RASD2: variants seen among roughly 807,000 people sequenced by gnomAD.
RASD2 encodes GTP-binding protein Rhes.
In RASD2, 7 loss-of-function variants were observed where a neutral mutation model predicts 15.8. That is an observed-to-expected ratio of 0.44 (90% CI 0.25 to 0.83). RASD2 has a LOEUF of 0.83. Ranked by LOEUF, RASD2 falls within the 40% of genes least tolerant of loss-of-function variation. The pLI is 0.20. For missense variants in RASD2, 274 were observed against 382.8 expected (o/e 0.72, Z 2.37); for synonymous variants, 155 against 153.6 (o/e 1.01, Z -0.07).
rs935899886 is a variant in RASD2 at position 35,541,230 on chromosome 22, C to G, written c.-280C>G. The G allele has an allele frequency of 6.6e-6, 1 of 151,782 alleles. No individual in the cohort carries two copies. Among genetic ancestry groups the G allele is most frequent in the Non-Finnish European group, 1.5e-5 (1 of 67,868 alleles). The allele number at this position is 151,782 out of a possible 1,614,324, so 9.4% of individuals were successfully genotyped here. ...CCCCCGGCTCGGGGCAGGGCAGGGC[C>G]GGCGGCGGCGAGCCGGAGCCCGCCC... On this transcript the variant is annotated 5_prime_UTR_variant, in exon 1 of 3. Coordinates refer to ENST00000216127, the MANE Select transcript of RASD2 (RefSeq NM_014310.4).
At chr22:35,545,288 T>C (rs1184941259) in intron 1 of RASD2, among the ~76,000 whole-genome samples, 1 of 152,166 alleles carries the variant, frequency 6.6e-6, no homozygotes, top group Admixed American at 6.5e-5. Flanking sequence ...AGCTTCATGA[T>C]AGCCAGGAAG....
upstream of RASD2, among the ~76,000 whole-genome samples, chr22:35,540,438 G>C (rs953505489): frequency 1.1e-4 from 17 of 148,886 alleles, no homozygotes; most frequent in African/African-American, 4.1e-4. Flanking sequence ...CATTGGCCGG[G>C]CGCCGGGGCG....
the RASD2 span, among the ~76,000 whole-genome samples, chr22:35,532,845 A>G: frequency 6.6e-6 from 1 of 152,124 alleles, no homozygotes; most frequent in Non-Finnish European, 1.5e-5. Context: ...CCCTCCAGTT[A>G]AAGGGACCCA....
chr22:35,540,357 G>T (rs1934310004), upstream of RASD2, among the ~76,000 whole-genome samples: 1 of 150,254 alleles, frequency 6.7e-6, no homozygotes, highest in Non-Finnish European at 1.5e-5. Flanking sequence ...CCGGACACGC[G>T]GAACCGCAGA....
At chr22:35,536,304 T>C (rs1180126483), upstream of RASD2, among the ~76,000 whole-genome samples, 1 of 151,442 alleles carries the variant, frequency 6.6e-6, no homozygotes, top group African/African-American at 2.4e-5. Flanking sequence ...TGTGTTGAAC[T>C]TGGTCAAGCC....
In RASD2 at chr22:35,546,790, C is replaced by T; in HGVS notation, c.-9-11C>T. The T allele has an allele frequency of 6.2e-7, 1 of 1,610,174 alleles. No individual in the cohort carries two copies. The highest frequency in any genetic ancestry group is 8.5e-7 in the Non-Finnish European group (1 of 1,177,814). ...GGGGCCCTGATGCCTGCTTCTCTCG[C>T]TTTGTTGCAGCCCCGAGCCATGATG... On this transcript the variant is annotated splice_polypyrimidine_tract_variant and intron_variant, in intron 1 of 2. Transcript: ENST00000216127.
intron 1 of RASD2, among the ~76,000 whole-genome samples, chr22:35,546,203 C>T (rs558182346): frequency 2.5e-4 from 38 of 152,224 alleles, no homozygotes; most frequent in African/African-American, 8.9e-4. Context: ...CAGGAGCAAC[C>T]CCAGGCATTG....
rs1029545390 is a variant in RASD2, at chr22:35,553,417, A to C, written c.*1385A>C. On this transcript the variant is annotated 3_prime_UTR_variant, in exon 3 of 3. Transcript: ENST00000216127. ...AAGGCCCTTGTCATCAGCTCTTAAC[A>C]AGTATATTTTGTATTTTAATCTCTC... 2 of 152,420 alleles carry C rather than the reference A, an allele frequency of 1.3e-5. No homozygotes were observed. The highest frequency in any genetic ancestry group is 4.8e-5 in the African/African-American group (2 of 41,346). The allele number at this position is 152,420 out of a possible 1,614,324, so 9.4% of individuals were successfully genotyped here. A position where few individuals can be genotyped will look rare whatever the true frequency, so the allele number is the denominator to read the frequency against.
chr22:35,541,952 G>A (rs570809393), intron 1 of RASD2, among the ~76,000 whole-genome samples: 48 of 152,188 alleles, frequency 3.2e-4, no homozygotes, highest in Non-Finnish European at 6.0e-4. Flanking sequence ...AAGCTCCTTC[G>A]TTATCCAGAG....
At chr22:35,545,545 C>G (rs1934477545) in intron 1 of RASD2, among the ~76,000 whole-genome samples, 2 of 152,170 alleles carry the variant, frequency 1.3e-5, no homozygotes, top group African/African-American at 4.8e-5. Flanking sequence ...CCTGTGGCAG[C>G]CTGTGGAAGA....
chr22:35,545,420 T>G (rs1934473211), intron 1 of RASD2, among the ~76,000 whole-genome samples: 1 of 152,140 alleles, frequency 6.6e-6, no homozygotes, highest in Non-Finnish European at 1.5e-5. Context: ...TTAAAAACAG[T>G]GCCTTTTCCT....
At chr22:35,535,036 C>T in the RASD2 span, among the ~76,000 whole-genome samples, 5 of 152,170 alleles carry the variant, frequency 3.3e-5, no homozygotes, top group South Asian at 2.1e-4. Context: ...CTCAAGAGGG[C>T]GAGGACCCCA....
intron 2 of RASD2, among the ~76,000 whole-genome samples, chr22:35,549,538 A>G (rs1250903246): frequency 1.3e-5 from 2 of 152,132 alleles, no homozygotes; most frequent in Non-Finnish European, 2.9e-5. Context: ...GATTAGCCTA[A>G]CGGGATGGGG....
intron 2 of RASD2, among the ~76,000 whole-genome samples, chr22:35,547,967 A>G (rs5995117): frequency 0.35 from 52,994 of 152,150 alleles, 9,911 homozygotes; most frequent in Non-Finnish European, 0.42. Context: ...CCTTTTTACA[A>G]GTGGGGAAAC....
rs1934517703 is a variant in RASD2 at position 35,546,848 on chromosome 22, T to C, written c.39T>C (p.Ser13=). ...TGTCCAGCGGGAACTGCACGCTCAG[T>C]GTGCCCGCCAAAAACTCATACCGCA... ...KTLSSGNCTL[S]VPAKNSYRMV... Residue 13 remains serine (S), a synonymous_variant, in exon 2 of 3, where the codon AGT becomes AGC. Coordinates refer to ENST00000216127, the MANE Select transcript of RASD2 (RefSeq NM_014310.4). 6.2e-7 allele frequency: 1 copy of C among 1,613,732 alleles called. No homozygotes were observed.
chr22:35,533,527 T>C, the RASD2 span, among the ~76,000 whole-genome samples: 1 of 151,450 alleles, frequency 6.6e-6, no homozygotes, highest in Non-Finnish European at 1.5e-5. Context: ...ATGGTAATAA[T>C]GATAGTGATG....
chr22:35,546,754 G>T, intron 1 of RASD2, 47 bp from the exon 2 acceptor site: 1 of 1,582,168 alleles, frequency 6.3e-7, no homozygotes, highest in African/African-American at 1.3e-5. Context: ...AGGTGGTGGG[G>T]CCAGGTCGGG....
Position 35,551,358 on chromosome 22 carries a change from C to A in RASD2, c.272-145C>A, listed in dbSNP as rs573232051. Reference sequence around the variant, plus strand: ...AATAATCGCAGCTACCCCGAAGAGTCGCTGTGTAGGTTAAAGCAGTTATGC... The same window carrying A: ...AATAATCGCAGCTACCCCGAAGAGTAGCTGTGTAGGTTAAAGCAGTTATGC... On this transcript the variant is annotated intron_variant, in intron 2 of 2. Coordinates refer to ENST00000216127, the MANE Select transcript of RASD2 (RefSeq NM_014310.4). The surrounding 1 kb of genome is among the most constrained non-coding windows in gnomAD (Gnocchi z 4.9). 5 of 764,834 alleles carry A rather than the reference C, an allele frequency of 6.5e-6. No individual in the cohort carries two copies. Among genetic ancestry groups the A allele is most frequent in the Non-Finnish European group, 8.7e-6 (4 of 458,132 alleles). 47.4% of individuals were successfully genotyped at this position (764,834 alleles called of 1,614,324 possible).
At chr22:35,545,735 G>A (rs1051989418) in intron 1 of RASD2, among the ~76,000 whole-genome samples, 1 of 152,136 alleles carries the variant, frequency 6.6e-6, no homozygotes, top group Admixed American at 6.5e-5. Flanking sequence ...CTGCAGAGGG[G>A]TGGCATGAGC....
Sources: allele counts gnomAD v4.1 joint callset (sites outside exome capture counted in the v4.1 genomes callset), GRCh38; gene constraint gnomAD v4.1.1; non-coding constraint Gnocchi (gnomAD v3.1); transcripts MANE v1.5; gene names NCBI Gene and HGNC (gene_info 2026-07-23, HGNC 2026-07-21).